NXPH3: variants seen among roughly 807,000 people sequenced by gnomAD.
The protein encoded by NXPH3 is neurexophilin-3.
In NXPH3, 7 loss-of-function variants were observed where a neutral mutation model predicts 18.8. The observed-to-expected ratio is 0.37, with a 90% CI of 0.21 to 0.70. The LOEUF (loss-of-function observed/expected upper bound fraction) is 0.70. NXPH3 is among the 30% of genes least tolerant of loss of function. The pLI is 0.53. For synonymous variants in NXPH3, 101 were observed against 137.3 expected (o/e 0.74, Z 1.85); for missense variants, 282 against 338.1 (o/e 0.83, Z 1.30).
chr17:49,576,043 C>A lies in NXPH3; in HGVS notation c.-177C>A. On this transcript the variant is annotated 5_prime_UTR_variant, in exon 1 of 2. In the 5' UTR this introduces an upstream ATG that the reference lacks. Transcript: ENST00000328741. ...CTGGACCAGGGGAGGGGGGCGGCGGCTGCACAGCTGGACCGAAGGGGGCGG... is the reference window on the plus strand; with the variant it reads ...CTGGACCAGGGGAGGGGGGCGGCGGATGCACAGCTGGACCGAAGGGGGCGG... 1 of 639,152 alleles carries A rather than the reference C, an allele frequency of 1.6e-6. No individual in the cohort carries two copies. Among genetic ancestry groups the A allele is most frequent in the Non-Finnish European group, 2.6e-6 (1 of 382,232 alleles). The allele number at this position is 639,152 out of a possible 1,614,324, so 39.6% of individuals were successfully genotyped here. A position where few individuals can be genotyped will look rare whatever the true frequency, so the allele number is the denominator to read the frequency against.
Position 49,578,621 on chromosome 17 carries a change from C to T in NXPH3, c.80C>T (p.Pro27Leu), listed in dbSNP as rs2071582704. Reference protein sequence around the residue: ...YLVICGQDDGPPGSEDPERDD... With the variant: ...YLVICGQDDGLPGSEDPERDD... ...GTCATCTGTGGCCAGGATGATGGTCCTCCCGGCTCAGAGGACCCTGAGCGT... is the reference window on the plus strand; with the variant it reads ...GTCATCTGTGGCCAGGATGATGGTCTTCCCGGCTCAGAGGACCCTGAGCGT... The change falls in exon 2 of 2, where the codon CCT becomes CTT. Residue 27 changes from proline to leucine, a missense_variant. Pro to Leu is a moderately conservative substitution (Grantham distance 98). Coordinates refer to ENST00000328741, the MANE Select transcript of NXPH3 (RefSeq NM_007225.4). This position sits in a 1 kb window ranked among gnomAD's most constrained non-coding sequence, Gnocchi z 4.5. 6.4e-7 allele frequency: 1 copy of T among 1,573,630 alleles called. No homozygotes were observed. The highest frequency in any genetic ancestry group is 1.4e-5 in the African/African-American group (1 of 73,856).
intron 1 of NXPH3, among the ~76,000 whole-genome samples, chr17:49,577,584 C>G (rs2071577624): frequency 6.6e-6 from 1 of 152,196 alleles, no homozygotes; most frequent in Non-Finnish European, 1.5e-5. Context: ...GGAGGATGAG[C>G]CCCTGCAGAT....
At position 49,578,730 on chromosome 17, in the gene NXPH3, C is replaced by T. The variant is rs2071583781; in HGVS notation, c.189C>T (p.Ser63=). Residue 63 remains serine (S), a synonymous_variant, in exon 2 of 2, where the codon TCC becomes TCT. Transcript: ENST00000328741. The surrounding 1 kb of genome is among the most constrained non-coding windows in gnomAD (Gnocchi z 4.5). ...ISPKSRPMAN[S]TLLGLLAPPG... is the part of the protein sequence containing the mutation. Reference sequence around the variant, plus strand: ...CTAAGTCCCGCCCCATGGCCAATTCCACTCTCCTAGGGCTGCTGGCCCCGC... The same window carrying T: ...CTAAGTCCCGCCCCATGGCCAATTCTACTCTCCTAGGGCTGCTGGCCCCGC... The T allele has an allele frequency of 6.2e-7, 1 of 1,613,484 alleles. No individual in the cohort carries two copies. The highest frequency in any genetic ancestry group is 2.2e-5 in the East Asian group (1 of 44,890).
In NXPH3 at chr17:49,578,758, G is replaced by C; in HGVS notation, c.217G>C (p.Gly73Arg). The C allele has an allele frequency of 6.2e-7, 1 of 1,613,580 alleles. No homozygotes were observed. The highest frequency in any genetic ancestry group is 1.1e-5 in the South Asian group (1 of 91,074). ...STLLGLLAPP[G>R]EAWGILGQPP... Reference sequence around the variant, plus strand: ...TCTCCTAGGGCTGCTGGCCCCGCCTGGGGAGGCTTGGGGCATTCTTGGGCA... The same window carrying C: ...TCTCCTAGGGCTGCTGGCCCCGCCTCGGGAGGCTTGGGGCATTCTTGGGCA... The change falls in exon 2 of 2, where the codon GGG (glycine) becomes CGG (arginine). Residue 73 changes from glycine to arginine, a missense_variant. Physicochemically the swap from Gly to Arg is moderately radical, Grantham distance 125. Coordinates refer to ENST00000328741, the MANE Select transcript of NXPH3 (RefSeq NM_007225.4). This position sits in a 1 kb window ranked among gnomAD's most constrained non-coding sequence, Gnocchi z 4.5.
rs1467616450 is a variant in NXPH3, at chr17:49,578,827, G to A, written c.286G>A (p.Val96Met). 6 of 1,614,072 alleles carry A rather than the reference G, an allele frequency of 3.7e-6. No homozygotes were observed. The highest frequency in any genetic ancestry group is 2.2e-5 in the East Asian group (1 of 44,882). Residue 96 changes from valine (V) to methionine (M), a missense_variant, in exon 2 of 2, where the codon GTG becomes ATG. By Grantham distance (21) the Val-to-Met change is conservative (BLOSUM62 1). Transcript: ENST00000328741. The surrounding 1 kb of genome is among the most constrained non-coding windows in gnomAD (Gnocchi z 4.5). ...PNHSPPPSAK[V>M]KKIFGWGDFY... ...CCACAGCCCCCCACCCTCAGCCAAG[G>A]TGAAGAAAATCTTTGGCTGGGGCGA... is the stretch of plus-strand genomic sequence containing the variant.
Position 49,578,870 on chromosome 17 carries a change from A to G in NXPH3, c.329A>G (p.Lys110Arg). The change falls in exon 2 of 2, where the codon AAG becomes AGG. Residue 110 changes from lysine to arginine, a missense_variant. Transcript: ENST00000328741. This position sits in a 1 kb window ranked among gnomAD's most constrained non-coding sequence, Gnocchi z 4.5. ...FGWGDFYSNI[K>R]TVALNLLVTG... ...TGGGGCGACTTCTACTCCAACATCA[A>G]GACGGTGGCCCTGAACCTGCTCGTC... 1 of 1,614,128 alleles carries G rather than the reference A, an allele frequency of 6.2e-7. No homozygotes were observed. Among genetic ancestry groups the G allele is most frequent in the South Asian group, 1.1e-5 (1 of 91,084 alleles).
Position 49,581,901 on chromosome 17 carries a change from C to A in NXPH3, c.*2601C>A. ...CCTTCCTGGCACACAGTTCTGCCTG[C>A]ACCAGGGATGGATTCATTTTAATAA... On this transcript the variant is annotated 3_prime_UTR_variant, in exon 2 of 2. Coordinates refer to ENST00000328741, the MANE Select transcript of NXPH3 (RefSeq NM_007225.4). 1 of 633,810 alleles carries A rather than the reference C, an allele frequency of 1.6e-6. No individual in the cohort carries two copies. The highest frequency in any genetic ancestry group is 1.8e-5 in the South Asian group (1 of 56,128). The allele number at this position is 633,810 out of a possible 1,614,324, so 39.3% of individuals were successfully genotyped here. A position where few individuals can be genotyped will look rare whatever the true frequency, so the allele number is the denominator to read the frequency against.
chr17:49,579,460 C>T lies in NXPH3; in HGVS notation c.*160C>T. ...GGGGCCAGGGCCAAGTCTCAAGTGG[C>T]AGAGAAAGGGTCCCAAGTGCTGGTC... is the stretch of plus-strand genomic sequence containing the variant. On this transcript the variant is annotated 3_prime_UTR_variant, in exon 2 of 2. Coordinates refer to ENST00000328741, the MANE Select transcript of NXPH3 (RefSeq NM_007225.4). This position sits in a 1 kb window ranked among gnomAD's most constrained non-coding sequence, Gnocchi z 6.0. 2 of 643,372 alleles carry T rather than the reference C, an allele frequency of 3.1e-6. No homozygotes were observed. Among genetic ancestry groups the T allele is most frequent in the Non-Finnish European group, 5.3e-6 (2 of 376,546 alleles). 39.9% of individuals were successfully genotyped at this position (643,372 alleles called of 1,614,324 possible).
chr17:49,576,324 G>T (rs1301325098), intron 1 of NXPH3, 51 bp downstream of exon 1: 1 of 1,541,986 alleles, frequency 6.5e-7, no homozygotes, highest in South Asian at 1.2e-5. Context: ...CGGAGGATCG[G>T]GGGAGAGCGC....
chr17:49,576,112 C>A lies in NXPH3; in HGVS notation c.-108C>A. ...CGCTGAGGGGAGGGCCGCGGGCCGCCGGGGACTGGAGCATGGGACGGCGCG... is the reference window on the plus strand; with the variant it reads ...CGCTGAGGGGAGGGCCGCGGGCCGCAGGGGACTGGAGCATGGGACGGCGCG... On this transcript the variant is annotated 5_prime_UTR_variant, in exon 1 of 2. Coordinates refer to ENST00000328741, the MANE Select transcript of NXPH3 (RefSeq NM_007225.4). 3 of 1,400,824 alleles carry A rather than the reference C, an allele frequency of 2.1e-6. No individual in the cohort carries two copies. Among genetic ancestry groups the A allele is most frequent in the South Asian group, 1.2e-5 (1 of 80,234 alleles). The allele number at this position is 1,400,824 out of a possible 1,614,324, so 86.8% of individuals were successfully genotyped here. A position where few individuals can be genotyped will look rare whatever the true frequency, so the allele number is the denominator to read the frequency against.
In NXPH3 at chr17:49,581,593, A is replaced by C; in HGVS notation, c.*2293A>C. 1 of 700,136 alleles carries C rather than the reference A, an allele frequency of 1.4e-6. No individual in the cohort carries two copies. Among genetic ancestry groups the C allele is most frequent in the Non-Finnish European group, 2.6e-6 (1 of 383,696 alleles). The allele number at this position is 700,136 out of a possible 1,614,324, so 43.4% of individuals were successfully genotyped here. A position where few individuals can be genotyped will look rare whatever the true frequency, so the allele number is the denominator to read the frequency against. On this transcript the variant is annotated 3_prime_UTR_variant, in exon 2 of 2. Coordinates refer to ENST00000328741, the MANE Select transcript of NXPH3 (RefSeq NM_007225.4). The stretch of plus-strand genomic sequence containing the variant: ...CGTCTCTCCTGAGTGGAGATGTGAG[A>C]CACACACCCCTCCTCCAGACCACCC...
chr17:49,578,088 G>A lies in NXPH3; in HGVS notation c.55-508G>A, dbSNP rs749188687. 6.5e-6 allele frequency: 1 copy of A among 153,610 alleles called. No homozygotes were observed. The highest frequency in any genetic ancestry group is 1.4e-5 in the Non-Finnish European group (1 of 69,050). The allele number at this position is 153,610 out of a possible 1,614,324, so 9.5% of individuals were successfully genotyped here. On this transcript the variant is annotated intron_variant, in intron 1 of 1. Transcript: ENST00000328741. The surrounding 1 kb of genome is among the most constrained non-coding windows in gnomAD (Gnocchi z 4.5). ...CCAGGGGCTCTCCCAGGATAAGAATGGTGCTTCCCTGTCTGACTCGGGGCT... is the reference window on the plus strand; with the variant it reads ...CCAGGGGCTCTCCCAGGATAAGAATAGTGCTTCCCTGTCTGACTCGGGGCT...
chr17:49,579,368 G>A lies in NXPH3; in HGVS notation c.*68G>A. 7.3e-7 allele frequency: 1 copy of A among 1,374,032 alleles called. No individual in the cohort carries two copies. Among genetic ancestry groups the A allele is most frequent in the Non-Finnish European group, 1.0e-6 (1 of 1,004,638 alleles). The allele number at this position is 1,374,032 out of a possible 1,614,324, so 85.1% of individuals were successfully genotyped here. The stretch of plus-strand genomic sequence containing the variant: ...GGCCTGCCCATGCAGGAGACCATCT[G>A]GACACCGGGCAGGGAAGGGGTTGGG... On this transcript the variant is annotated 3_prime_UTR_variant, in exon 2 of 2. Coordinates refer to ENST00000328741, the MANE Select transcript of NXPH3 (RefSeq NM_007225.4). This position sits in a 1 kb window ranked among gnomAD's most constrained non-coding sequence, Gnocchi z 6.0.
At position 49,581,905 on chromosome 17, in the gene NXPH3, A is replaced by T; in HGVS notation, c.*2605A>T. The T allele has an allele frequency of 1.6e-6, 1 of 627,652 alleles. No individual in the cohort carries two copies. The highest frequency in any genetic ancestry group is 2.9e-6 in the Non-Finnish European group (1 of 350,128). The allele number at this position is 627,652 out of a possible 1,614,324, so 38.9% of individuals were successfully genotyped here. A position where few individuals can be genotyped will look rare whatever the true frequency, so the allele number is the denominator to read the frequency against. On this transcript the variant is annotated 3_prime_UTR_variant, in exon 2 of 2. Coordinates refer to ENST00000328741, the MANE Select transcript of NXPH3 (RefSeq NM_007225.4). ...CCTGGCACACAGTTCTGCCTGCACCAGGGATGGATTCATTTTAATAACTTC... is the reference window on the plus strand; with the variant it reads ...CCTGGCACACAGTTCTGCCTGCACCTGGGATGGATTCATTTTAATAACTTC...
rs2071611437 is a variant in NXPH3, at chr17:49,583,508, G to C, written c.*4208G>C. 6.6e-6 allele frequency: 1 copy of C among 152,204 alleles called. No homozygotes were observed. Among genetic ancestry groups the C allele is most frequent in the African/African-American group, 2.4e-5 (1 of 41,440 alleles). The allele number at this position is 152,204 out of a possible 1,614,324, so 9.4% of individuals were successfully genotyped here. A position where few individuals can be genotyped will look rare whatever the true frequency, so the allele number is the denominator to read the frequency against. On this transcript the variant is annotated 3_prime_UTR_variant, in exon 2 of 2. Transcript: ENST00000328741. ...TCCTGTTGGTCTCCCAGGCTCAAAGGCTGACCTGATAATTCAAGTGAAGGA... is the reference window on the plus strand; with the variant it reads ...TCCTGTTGGTCTCCCAGGCTCAAAGCCTGACCTGATAATTCAAGTGAAGGA...
chr17:49,576,670 C>A (rs1284504041), intron 1 of NXPH3, among the ~76,000 whole-genome samples: 1 of 152,030 alleles, frequency 6.6e-6, no homozygotes, highest in African/African-American at 2.4e-5. Context: ...CTCAGAGAGC[C>A]TCGGGTTCTG....
Position 49,581,168 on chromosome 17 carries a change from G to C in NXPH3, c.*1868G>C, listed in dbSNP as rs2071598419. ...CAGGCTGGAGTGGGGTGTGGACACA[G>C]GGCCTGCGTCAGTCACTCCCCTCCT... On this transcript the variant is annotated 3_prime_UTR_variant, in exon 2 of 2. Transcript: ENST00000328741. The C allele has an allele frequency of 4.9e-6, 1 of 204,454 alleles. No individual in the cohort carries two copies. Among genetic ancestry groups the C allele is most frequent in the African/African-American group, 2.3e-5 (1 of 43,332 alleles). 12.7% of individuals were successfully genotyped at this position (204,454 alleles called of 1,614,324 possible). A position where few individuals can be genotyped will look rare whatever the true frequency, so the allele number is the denominator to read the frequency against.
Position 49,580,069 on chromosome 17 carries a change from C to G in NXPH3, c.*769C>G, listed in dbSNP as rs1174577850. On this transcript the variant is annotated 3_prime_UTR_variant, in exon 2 of 2. Coordinates refer to ENST00000328741, the MANE Select transcript of NXPH3 (RefSeq NM_007225.4). The stretch of plus-strand genomic sequence containing the variant: ...CATCCGCGTGCTGTGTGTCCCTCTT[C>G]CACCCCAACCCCTGCTGGCTCCTCT... 1 of 152,492 alleles carries G rather than the reference C, an allele frequency of 6.6e-6. No homozygotes were observed. The highest frequency in any genetic ancestry group is 2.4e-5 in the African/African-American group (1 of 41,454). The allele number at this position is 152,492 out of a possible 1,614,324, so 9.4% of individuals were successfully genotyped here.
At position 49,580,776 on chromosome 17, in the gene NXPH3, CTA is replaced by C. The variant is rs1984812197; in HGVS notation, c.*1478_*1479del. On this transcript the variant is annotated 3_prime_UTR_variant, in exon 2 of 2. Coordinates refer to ENST00000328741, the MANE Select transcript of NXPH3 (RefSeq NM_007225.4). ...TGGCTTTCTTTCTTTGTTTCTTCCT[CTA>C]TGACATGAAGGGCTTGCCCAGACCA... 1 of 152,564 alleles carries C rather than the reference CTA, an allele frequency of 6.6e-6. No individual in the cohort carries two copies. The highest frequency in any genetic ancestry group is 2.4e-5 in the African/African-American group (1 of 41,478). The allele number at this position is 152,564 out of a possible 1,614,324, so 9.5% of individuals were successfully genotyped here. A position where few individuals can be genotyped will look rare whatever the true frequency, so the allele number is the denominator to read the frequency against.
Sources: allele counts gnomAD v4.1 joint callset (sites outside exome capture counted in the v4.1 genomes callset), GRCh38; gene constraint gnomAD v4.1.1; non-coding constraint Gnocchi (gnomAD v3.1); transcripts MANE v1.5; gene names NCBI Gene and HGNC (gene_info 2026-07-23, HGNC 2026-07-21).